The following ST6GALNAC6 variants were observed in gnomAD, a reference collection of about 807,000 sequenced individuals.
The protein encoded by ST6GALNAC6 is ST6 N-acetylgalactosaminide alpha-2,6-sialyltransferase 6.
In ST6GALNAC6, 19 loss-of-function variants were observed where a neutral mutation model predicts 34.3. The ratio of observed to expected loss-of-function variants is 0.55; its 90% confidence interval spans 0.39 to 0.81. ST6GALNAC6 has a LOEUF of 0.81. Among genes scored for constraint, ST6GALNAC6 ranks in the 40% least tolerant of loss-of-function variants. ST6GALNAC6 has a pLI of 0.00. For synonymous variants in ST6GALNAC6, 185 were observed against 182.1 expected, an observed-to-expected ratio of 1.02 and a Z score of -0.13; for missense variants, 377 against 467.7, an observed-to-expected ratio of 0.81 and a Z score of 1.79.
At chr9:127,888,577 G>A (rs1489889198) in intron 5 of ST6GALNAC6, among the ~76,000 whole-genome samples, 6 of 151,266 alleles carry the variant, frequency 4.0e-5, no homozygotes, top group African/African-American at 2.4e-5. Context: ...GGGAGGCCAA[G>A]GCGGGCAGAT....
At chr9:127,899,640 T>G (rs904905460), upstream of ST6GALNAC6, 19 of 982,958 alleles carry the variant, frequency 1.9e-5, no homozygotes, top group Non-Finnish European at 2.1e-5. Context: ...AGCGCCGCCG[T>G]CACGGCCCGG....
intron 2 of ST6GALNAC6, 60 bp downstream of exon 2, chr9:127,897,896 G>T: frequency 6.2e-7 from 1 of 1,612,800 alleles, no homozygotes. Context: ...CCTGCTCTGA[G>T]AAGGCCATGG....
upstream of ST6GALNAC6, chr9:127,905,369 C>G: frequency 1.0e-6 from 1 of 985,602 alleles, no homozygotes; most frequent in Non-Finnish European, 1.2e-6. Context: ...AGGTCACCAC[C>G]CCCAGAAAGA....
chr9:127,886,868 T>C (rs1241405555), intron 6 of ST6GALNAC6, 80 bp from the exon 7 acceptor site: 5 of 1,408,180 alleles, frequency 3.6e-6, no homozygotes, highest in African/African-American at 1.4e-5. Flanking sequence ...TCGCTTACCA[T>C]AGGACCTCAA....
upstream of ST6GALNAC6, chr9:127,904,358 C>G (rs113052891): frequency 6.6e-3 from 1,013 of 152,564 alleles, 5 homozygotes; most frequent in Non-Finnish European, 0.011. Flanking sequence ...GCCTCCCCCC[C>G]CCAGCCCTTC....
intron 1 of ST6GALNAC6, 60 bp downstream of exon 1, chr9:127,899,443 G>C: frequency 7.6e-4 from 365 of 481,764 alleles, no homozygotes; most frequent in Non-Finnish European, 9.1e-4. Context: ...GGCGCCCTCC[G>C]CCCCAGCCCC....
rs115081591 is a variant in ST6GALNAC6, at chr9:127,898,076, G to A, written c.-29-66C>T. The A allele has an allele frequency of 3.2e-3, 2,714 of 851,836 alleles. 32 individuals carry two copies. The highest frequency in any genetic ancestry group is 0.03 in the African/African-American group (1,783 of 60,086). The allele number at this position is 851,836 out of a possible 1,614,324, so 52.8% of individuals were successfully genotyped here. A position where few individuals can be genotyped will look rare whatever the true frequency, so the allele number is the denominator to read the frequency against. ...TGTTGGAAGGATTCAAGCAGATGTG[G>A]CAAGGGACACGCGGGGCTTGAAAGT... is the stretch of plus-strand genomic sequence containing the variant. On this transcript the variant is annotated intron_variant, in intron 1 of 6. Coordinates refer to ENST00000373146, the MANE Select transcript of ST6GALNAC6 (RefSeq NM_013443.5).
At chr9:127,896,976 C>T (rs993957088) in intron 2 of ST6GALNAC6, 43 of 981,788 alleles carry the variant, frequency 4.4e-5, no homozygotes, top group African/African-American at 1.8e-5. Flanking sequence ...CTCTCGGGGG[C>T]TAAGGGCACA....
rs1222455288 is a variant in ST6GALNAC6 at position 127,898,767 on chromosome 9, G to T, written c.-30+736C>A. ...GCTGCCCAGGGCTGAGCCTGACTTC[G>T]TCTCCCTGGAGGATCCCTCTCGGCT... On this transcript the variant is annotated intron_variant, in intron 1 of 6. Coordinates refer to ENST00000373146, the MANE Select transcript of ST6GALNAC6 (RefSeq NM_013443.5). 3.9e-5 allele frequency among the ~76,000 whole-genome samples: 6 copies of T among 152,382 alleles called. No homozygotes were observed. In the East Asian group the frequency reaches 1.2e-3, roughly 29 times the overall value.
At chr9:127,901,617 A>AAAAATAAAAT (rs372056937), upstream of ST6GALNAC6, among the ~76,000 whole-genome samples, 196 of 149,930 alleles carry the variant, frequency 1.3e-3, 1 homozygote, top group African/African-American at 4.5e-3. Context: ...TCCGTCTCAA[A>AAAAATAAAAT]AAAATAAAAT....
rs1829768902 is a variant in ST6GALNAC6, at chr9:127,886,592, G to A, written c.*7C>T. On this transcript the variant is annotated 3_prime_UTR_variant, in exon 7 of 7. Transcript: ENST00000373146. The stretch of plus-strand genomic sequence containing the variant: ...TGACCCTCCTGAGGTCCCACAGGCT[G>A]GGTGGCCTAGGTCCAGGAGGGGTGG... 1.9e-6 allele frequency: 3 copies of A among 1,613,740 alleles called. No individual in the cohort carries two copies. The highest frequency in any genetic ancestry group is 3.3e-5 in the Admixed American group (2 of 59,998).
At chr9:127,900,580 A>AC (rs1449775408), upstream of ST6GALNAC6, among the ~76,000 whole-genome samples, 15 of 150,472 alleles carry the variant, frequency 1.0e-4, no homozygotes, top group Non-Finnish European at 7.4e-5. Flanking sequence ...AAAAAAAAAA[A>AC]AAAAAAGAAG....
At chr9:127,888,237 C>T (rs1056364221) in intron 5 of ST6GALNAC6, among the ~76,000 whole-genome samples, 1 of 152,216 alleles carries the variant, frequency 6.6e-6, no homozygotes, top group African/African-American at 2.4e-5. Flanking sequence ...GGTGCAGTGG[C>T]TCATGCCTGT....
chr9:127,887,417 C>CT (rs1292224006), intron 6 of ST6GALNAC6, 67 bp downstream of exon 6: 2 of 1,391,562 alleles, frequency 1.4e-6, no homozygotes, highest in Non-Finnish European at 2.0e-6. Flanking sequence ...TTTCCAGCCC[C>CT]TAGAGCTCCA....
At chr9:127,896,870 C>G (rs1830490831) in intron 2 of ST6GALNAC6, 5 of 985,418 alleles carry the variant, frequency 5.1e-6, no homozygotes, top group African/African-American at 3.5e-5. Flanking sequence ...CTGCGGGATA[C>G]AGCCCACCCA....
intron 5 of ST6GALNAC6, among the ~76,000 whole-genome samples, chr9:127,888,832 A>AACAG (rs1829958092): frequency 1.3e-5 from 2 of 151,068 alleles, no homozygotes; most frequent in Non-Finnish European, 2.9e-5. Flanking sequence ...CAAACAAACA[A>AACAG]ACAAACAAAC....
chr9:127,894,771 G>A, intron 3 of ST6GALNAC6, 80 bp from the exon 4 acceptor site: 1 of 1,519,474 alleles, frequency 6.6e-7, no homozygotes, highest in Non-Finnish European at 9.0e-7. Context: ...TACCATGCCT[G>A]GTTAACTCCT....
rs1163400082 is a variant in ST6GALNAC6, at chr9:127,890,470, G to A, written c.704+167C>T. ...GCAGAGCATGCTGGAAAGGACCCAT[G>A]TGAACAGCTGGACATGAAGAGAACT... On this transcript the variant is annotated intron_variant, in intron 5 of 6. Transcript: ENST00000373146. The surrounding 1 kb of genome is among the most constrained non-coding windows in gnomAD (Gnocchi z 4.3). 6.6e-6 allele frequency among the ~76,000 whole-genome samples: 1 copy of A among 152,178 alleles called. No individual in the cohort carries two copies. Among genetic ancestry groups the A allele is most frequent in the Admixed American group, 6.5e-5 (1 of 15,290 alleles).
intron 1 of ST6GALNAC6, among the ~76,000 whole-genome samples, chr9:127,898,699 GCGGGGCC>G (rs1230307576): frequency 6.6e-6 from 1 of 152,258 alleles, no homozygotes; most frequent in Non-Finnish European, 1.5e-5. Context: ...AAAGCGCCTT[GCGGGGCC>G]GCCCAGAGCC....
Sources: allele counts gnomAD v4.1 joint callset (sites outside exome capture counted in the v4.1 genomes callset), GRCh38; gene constraint gnomAD v4.1.1; non-coding constraint Gnocchi (gnomAD v3.1); transcripts MANE v1.5; gene names NCBI Gene and HGNC (gene_info 2026-07-23, HGNC 2026-07-21).